The following SCMH1 variants were observed in gnomAD, a reference collection of about 807,000 sequenced individuals.
The protein encoded by SCMH1 is polycomb protein SCMH1.
Under a neutral mutation model 70.8 loss-of-function variants are expected in SCMH1, and 37 were observed. That is an observed-to-expected ratio of 0.52 (90% CI 0.40 to 0.69). The LOEUF (loss-of-function observed/expected upper bound fraction) is 0.69. Among genes scored for constraint, SCMH1 ranks in the 30% least tolerant of loss-of-function variants. The pLI is 0.00. For missense variants in SCMH1, 607 were observed against 827.3 expected, an observed-to-expected ratio of 0.73 and a Z score of 3.27; for synonymous variants, 292 against 307.4, an observed-to-expected ratio of 0.95 and a Z score of 0.52.
chr1:41,141,562 C>T (rs189377908), intron 6 of SCMH1, among the ~76,000 whole-genome samples: 32 of 152,260 alleles, frequency 2.1e-4, no homozygotes, highest in Admixed American at 6.5e-5. Context: ...AGAATCTGAT[C>T]AAGTCTCTAC....
intron 2 of SCMH1, among the ~76,000 whole-genome samples, chr1:41,176,053 G>A (rs1647097826): frequency 6.6e-6 from 1 of 151,028 alleles, no homozygotes; most frequent in Non-Finnish European, 1.5e-5. Context: ...TTGGTTCAAG[G>A]AAGCCACAAC....
intron 2 of SCMH1, among the ~76,000 whole-genome samples, chr1:41,184,046 CTT>C (rs1236946263): frequency 6.6e-6 from 1 of 152,118 alleles, no homozygotes; most frequent in African/African-American, 2.4e-5. Flanking sequence ...ATGTGAATGT[CTT>C]TAGTGTCACT....
chr1:41,200,969 T>C (rs1037139365), intron 1 of SCMH1, among the ~76,000 whole-genome samples: 1 of 152,118 alleles, frequency 6.6e-6, no homozygotes, highest in African/African-American at 2.4e-5. Context: ...AAGCAGACCG[T>C]TGAAAGATGT....
At chr1:41,235,525 C>G (rs1291751882) in intron 1 of SCMH1, among the ~76,000 whole-genome samples, 1 of 138,686 alleles carries the variant, frequency 7.2e-6, no homozygotes, top group Admixed American at 7.9e-5. Flanking sequence ...GAGCCGAGAT[C>G]GCACCACTGC....
At chr1:41,211,754 T>C (rs12116797) in intron 1 of SCMH1, among the ~76,000 whole-genome samples, 9,010 of 152,222 alleles carry the variant, frequency 0.059, 355 homozygotes, top group South Asian at 0.12. Flanking sequence ...TAGCAAAGAC[T>C]TGTAACCAAC....
chr1:41,169,365 G>A (rs1337772209), intron 2 of SCMH1, among the ~76,000 whole-genome samples: 1 of 151,774 alleles, frequency 6.6e-6, no homozygotes, highest in Non-Finnish European at 1.5e-5. Context: ...TGTGCTATAA[G>A]CCCCTTCTGG....
chr1:41,121,773 G>C (rs1672013265), intron 6 of SCMH1, among the ~76,000 whole-genome samples: 1 of 152,112 alleles, frequency 6.6e-6, no homozygotes, highest in Non-Finnish European at 1.5e-5. Context: ...CAGTACTCTT[G>C]ATTCTACTAT....
chr1:41,081,529 T>C (rs1047108388), intron 8 of SCMH1, among the ~76,000 whole-genome samples: 4 of 152,194 alleles, frequency 2.6e-5, no homozygotes, highest in South Asian at 2.1e-4. Flanking sequence ...TTGACACATA[T>C]ATTATTTGTT....
intron 1 of SCMH1, among the ~76,000 whole-genome samples, chr1:41,241,448 C>A (rs1035375013): frequency 6.6e-6 from 1 of 152,028 alleles, no homozygotes; most frequent in Admixed American, 6.5e-5. Context: ...CAGCCGGGGC[C>A]CAGCCCCCAG....
intron 10 of SCMH1, among the ~76,000 whole-genome samples, chr1:41,054,915 C>T (rs1421663659): frequency 6.6e-6 from 1 of 152,166 alleles, no homozygotes; most frequent in Non-Finnish European, 1.5e-5. Context: ...TCCTGAGTAG[C>T]TGGTACCACA....
intron 1 of SCMH1, among the ~76,000 whole-genome samples, chr1:41,214,529 C>A (rs1271642952): frequency 9.9e-5 from 15 of 151,928 alleles, no homozygotes; most frequent in Admixed American, 9.8e-4. Context: ...GAAACAGGGC[C>A]TTGAATAGTA....
chr1:41,113,258 C>A lies in SCMH1; in HGVS notation c.745+25G>T. ...TCCCTTATCATCTGGGTCCTGATTTCAAGAGCACGTAGATGGGCCTTTACC... is the reference window on the plus strand; with the variant it reads ...TCCCTTATCATCTGGGTCCTGATTTAAAGAGCACGTAGATGGGCCTTTACC... On this transcript the variant is annotated intron_variant, in intron 8 of 14. Transcript: ENST00000337495. This position sits in a 1 kb window ranked among gnomAD's most constrained non-coding sequence, Gnocchi z 4.3. 1 of 1,606,086 alleles carries A rather than the reference C, an allele frequency of 6.2e-7. No homozygotes were observed. The highest frequency in any genetic ancestry group is 1.1e-5 in the South Asian group (1 of 89,920).
intron 1 of SCMH1, among the ~76,000 whole-genome samples, chr1:41,224,595 C>T (rs2148867673): frequency 6.6e-6 from 1 of 152,304 alleles, no homozygotes; most frequent in East Asian, 1.9e-4. Context: ...ATCTACTAGA[C>T]ACTTTTTTAT....
At position 41,053,011 on chromosome 1, in the gene SCMH1, G is replaced by A. The variant is rs556997092; in HGVS notation, c.1106-4121C>T. 8.0e-5 allele frequency among the ~76,000 whole-genome samples: 12 copies of A among 149,404 alleles called. No homozygotes were observed. The South Asian group carries it at 8.6e-4, about 11-fold the overall frequency. ...TGGCTCACTGCAACCTCCACCTCCC[G>A]GATTTAAGTGATTCTCCTGCCTCAG... On this transcript the variant is annotated intron_variant, in intron 10 of 14. Transcript: ENST00000337495.
intron 1 of SCMH1, among the ~76,000 whole-genome samples, chr1:41,238,436 A>G (rs1662822109): frequency 6.6e-6 from 1 of 152,108 alleles, no homozygotes; most frequent in Non-Finnish European, 1.5e-5. Context: ...TAAAAAAACT[A>G]TTACCTTCTC....
At chr1:41,204,547 G>A (rs2148746580) in intron 1 of SCMH1, among the ~76,000 whole-genome samples, 1 of 152,168 alleles carries the variant, frequency 6.6e-6, no homozygotes, top group South Asian at 2.1e-4. Context: ...GCTCCTGTTG[G>A]AGGCCAAGTT....
chr1:41,184,570 C>T (rs999638416), intron 2 of SCMH1, among the ~76,000 whole-genome samples: 10 of 152,156 alleles, frequency 6.6e-5, no homozygotes, highest in African/African-American at 2.4e-4. Flanking sequence ...TTACATGCTA[C>T]TGGAATGCTC....
chr1:41,176,165 T>C (rs1203366916), intron 2 of SCMH1, among the ~76,000 whole-genome samples: 16 of 125,024 alleles, frequency 1.3e-4, no homozygotes, highest in African/African-American at 4.3e-4. Context: ...GCAAGACTTG[T>C]CTCAAAAAAA....
intron 12 of SCMH1, among the ~76,000 whole-genome samples, chr1:41,044,800 T>C (rs1277007916): frequency 1.3e-5 from 2 of 152,014 alleles, no homozygotes; most frequent in African/African-American, 4.8e-5. Flanking sequence ...GAGATGTAAA[T>C]TGGGGCAGAA....
Sources: gnomAD v4.1 joint callset for allele counts (sites outside exome capture counted in the v4.1 genomes callset) on GRCh38, gnomAD v4.1.1 for gene constraint, Gnocchi (gnomAD v3.1) non-coding constraint, MANE v1.5 for transcripts, NCBI Gene and HGNC (gene_info 2026-07-23, HGNC 2026-07-21) for gene names.